FHIT: variants seen among roughly 807,000 people sequenced by gnomAD.
FHIT encodes bis(5'-adenosyl)-triphosphatase.
In FHIT, 19 loss-of-function variants were observed where a neutral mutation model predicts 17.9. The observed-to-expected ratio is 1.06, with a 90% CI of 0.74 to 1.56. The LOEUF is 1.56. Ranked by LOEUF, FHIT falls within the 40% of genes most tolerant of loss-of-function variation. The pLI, the probability that FHIT is intolerant of heterozygous loss-of-function variation, is 0.00. For synonymous variants in FHIT, 81 were observed against 69.7 expected (o/e 1.16, Z -0.81); for missense variants, 248 against 189.2 (o/e 1.31, Z -1.82).
At chr3:60,209,922 CA>C (rs1200731834) in intron 5 of FHIT, among the ~76,000 whole-genome samples, 1 of 152,018 alleles carries the variant, frequency 6.6e-6, no homozygotes, top group Non-Finnish European at 1.5e-5. Context: ...CAACACACAA[CA>C]GGGCCTGTTG....
At chr3:61,100,506 T>C (rs936697886) in intron 2 of FHIT, among the ~76,000 whole-genome samples, 2 of 152,188 alleles carry the variant, frequency 1.3e-5, no homozygotes, top group Non-Finnish European at 2.9e-5. Flanking sequence ...TTGTGAATAG[T>C]GCTGCAATAC....
chr3:61,249,661 G>C (rs997338074), intron 1 of FHIT, among the ~76,000 whole-genome samples: 1 of 151,970 alleles, frequency 6.6e-6, no homozygotes, highest in African/African-American at 2.4e-5. Flanking sequence ...ATATAAAAAT[G>C]GTTCTCACTC....
At chr3:59,788,881 G>GTTTTTTTTTTTTTTTTTTTTTT (rs60361063) in intron 8 of FHIT, among the ~76,000 whole-genome samples, 1,321 of 86,808 alleles carry the variant, frequency 0.015, 370 homozygotes, top group South Asian at 0.023. Context: ...GAGTTCATAT[G>GTTTTTTTTTTTTTTTTTTTTTT]TTTTTTTTTT....
intron 3 of FHIT, among the ~76,000 whole-genome samples, chr3:60,898,020 A>T (rs1553762286): frequency 6.6e-6 from 1 of 152,172 alleles, no homozygotes; most frequent in Non-Finnish European, 1.5e-5. Context: ...GCTAGGCAAA[A>T]ACAAATCAAG....
intron 7 of FHIT, among the ~76,000 whole-genome samples, chr3:59,994,673 A>C (rs964746704): frequency 5.3e-5 from 8 of 152,078 alleles, no homozygotes; most frequent in African/African-American, 1.9e-4. Context: ...TTCTATTTGC[A>C]AGTAAAATGA....
chr3:60,801,864 A>C (rs1553732451), intron 4 of FHIT, among the ~76,000 whole-genome samples: 1 of 152,208 alleles, frequency 6.6e-6, no homozygotes, highest in Non-Finnish European at 1.5e-5. Context: ...GTAGTCCCTG[A>C]ACAACATTTT....
At chr3:60,670,462 T>G (rs1017861495) in intron 4 of FHIT, among the ~76,000 whole-genome samples, 6 of 152,180 alleles carry the variant, frequency 3.9e-5, no homozygotes, top group African/African-American at 1.2e-4. Context: ...ATATCCACTG[T>G]GTTTCCAAAG....
chr3:59,847,334 A>G (rs113396129), intron 8 of FHIT, among the ~76,000 whole-genome samples: 2 of 151,822 alleles, frequency 1.3e-5, no homozygotes, highest in African/African-American at 4.8e-5. Flanking sequence ...TAAATTCATT[A>G]ATTCTTTCTT....
chr3:60,063,970 T>C (rs1024343646), intron 5 of FHIT, among the ~76,000 whole-genome samples: 1 of 152,242 alleles, frequency 6.6e-6, no homozygotes, highest in African/African-American at 2.4e-5. Flanking sequence ...GAAGAATGTA[T>C]ATAATATGCC....
At chr3:61,101,367 T>C (rs2035820819) in intron 2 of FHIT, among the ~76,000 whole-genome samples, 1 of 152,146 alleles carries the variant, frequency 6.6e-6, no homozygotes, top group Non-Finnish European at 1.5e-5. Context: ...GATCAGATGG[T>C]TGTAGATGTG....
At chr3:60,274,352 T>C (rs1255715272) in intron 5 of FHIT, among the ~76,000 whole-genome samples, 1 of 152,158 alleles carries the variant, frequency 6.6e-6, no homozygotes, top group Non-Finnish European at 1.5e-5. Context: ...TAACACCTAA[T>C]ATATATATCA....
chr3:59,947,267 C>T (rs2107291836), intron 7 of FHIT, among the ~76,000 whole-genome samples: 1 of 152,228 alleles, frequency 6.6e-6, no homozygotes, highest in Admixed American at 6.5e-5. Context: ...GAAATTTATC[C>T]ACTTCTTGTA....
intron 7 of FHIT, among the ~76,000 whole-genome samples, chr3:59,927,022 A>G (rs1322892303): frequency 6.6e-6 from 1 of 152,226 alleles, no homozygotes; most frequent in African/African-American, 2.4e-5. Flanking sequence ...CTTGTACGCA[A>G]ATGTTTACAG....
chr3:61,240,361 A>G (rs1055411845), intron 1 of FHIT, among the ~76,000 whole-genome samples: 3 of 152,172 alleles, frequency 2.0e-5, no homozygotes, highest in Non-Finnish European at 4.4e-5. Context: ...TCCAGCAGGC[A>G]CCAGTCACAT....
rs546211385 is a variant in FHIT, at chr3:61,161,798, A to T, written c.-164+38819T>A. ...TAACACAACTCAATCAAAACCAGTG[A>T]CATTTTTTATCAAACAGTCGTGAAA... On this transcript the variant is annotated intron_variant, in intron 2 of 9. Coordinates refer to ENST00000492590, the MANE Select transcript of FHIT (RefSeq NM_002012.4). 4.4e-4 allele frequency among the ~76,000 whole-genome samples: 67 copies of T among 152,330 alleles called. No homozygotes were observed. The Middle Eastern group carries it at 0.01, about 23-fold the overall frequency.
intron 8 of FHIT, among the ~76,000 whole-genome samples, chr3:59,757,376 G>A (rs1701271176): frequency 6.6e-6 from 1 of 152,158 alleles, no homozygotes; most frequent in Non-Finnish European, 1.5e-5. Flanking sequence ...AATGGTTTTT[G>A]GGGAAGGTAG....
chr3:61,191,630 AG>A (rs1312944569), intron 2 of FHIT, among the ~76,000 whole-genome samples: 3 of 152,212 alleles, frequency 2.0e-5, no homozygotes, highest in Non-Finnish European at 4.4e-5. Flanking sequence ...ACTCAAGGGA[AG>A]GTGAGATTAT....
chr3:60,512,026 T>C (rs1314076952), intron 5 of FHIT, among the ~76,000 whole-genome samples: 1 of 152,094 alleles, frequency 6.6e-6, no homozygotes, highest in Non-Finnish European at 1.5e-5. Context: ...TACAGAATAA[T>C]GTCTGTAAAT....
chr3:60,383,368 A>G (rs1278719212), intron 5 of FHIT, among the ~76,000 whole-genome samples: 2 of 152,170 alleles, frequency 1.3e-5, no homozygotes, highest in East Asian at 1.9e-4. Flanking sequence ...GCTAGGGGTT[A>G]TTAACCAAGG....
Sources: allele counts gnomAD v4.1 joint callset (sites outside exome capture counted in the v4.1 genomes callset), GRCh38; gene constraint gnomAD v4.1.1; transcripts MANE v1.5; gene names NCBI Gene and HGNC (gene_info 2026-07-23, HGNC 2026-07-21).